Variants in ZNF431 observed in about 807,000 individuals in gnomAD.
The protein encoded by ZNF431 is zinc finger protein 431.
ZNF431 carries 34 observed loss-of-function variants against 57.0 expected under a neutral mutation model. That is an observed-to-expected ratio of 0.60 (90% confidence interval 0.45 to 0.79). The LOEUF (loss-of-function observed/expected upper bound fraction) is 0.79, where lower values mean the gene tolerates loss of function less well. ZNF431 is among the 30% of genes least tolerant of loss of function. ZNF431 has a pLI of 0.00. For missense variants in ZNF431, 607 were observed against 667.1 expected, an observed-to-expected ratio of 0.91 and a Z score of 0.99; for synonymous variants, 207 against 220.3, an observed-to-expected ratio of 0.94 and a Z score of 0.54.
rs1248748076 is a variant in ZNF431 at position 21,150,152 on chromosome 19, A to G, written c.96+6509A>G. ...TGTCTCTGGTCTGTACTTGTAGGCT[A>G]GCTTAAGCAGCTGAGTAGCTGTTTG... On this transcript the variant is annotated intron_variant, in intron 2 of 4. Transcript: ENST00000311048. The G allele has an allele frequency of 6.6e-6, 4 of 605,498 alleles. No individual in the cohort carries two copies. The East Asian group carries it at 1.5e-4, about 22-fold the overall frequency. The allele number at this position is 605,498 out of a possible 1,614,324, so 37.5% of individuals were successfully genotyped here.
At chr19:21,149,503 A>G (rs1970204418) in intron 2 of ZNF431, 1 of 165,786 alleles carries the variant, frequency 6.0e-6, no homozygotes, top group South Asian at 1.7e-4. Flanking sequence ...GAGTTCTTTC[A>G]TATCACACAC....
Position 21,194,988 on chromosome 19 carries a change from T to C in ZNF431, c.*10954T>C, listed in dbSNP as rs1971578910. On this transcript the variant is annotated 3_prime_UTR_variant, in exon 5 of 5. Transcript: ENST00000311048. ...AACGTGATGATTGGAAGCAAAAACGTGGGGCTTTTTCCTATTGAATACAAA... is the reference window on the plus strand; with the variant it reads ...AACGTGATGATTGGAAGCAAAAACGCGGGGCTTTTTCCTATTGAATACAAA... 6.6e-6 allele frequency: 1 copy of C among 152,076 alleles called. No homozygotes were observed. Among genetic ancestry groups the C allele is most frequent in the Non-Finnish European group, 1.5e-5 (1 of 68,010 alleles). The allele number at this position is 152,076 out of a possible 1,614,324, so 9.4% of individuals were successfully genotyped here.
chr19:21,159,561 C>T lies in ZNF431; in HGVS notation c.97-6774C>T, dbSNP rs1056091250. ...GTAATTTTTGTATTTCTCGTAAAGA[C>T]GGGTTTTCACCATGTTGGCCAGGAT... On this transcript the variant is annotated intron_variant, in intron 2 of 4. Transcript: ENST00000311048. Among the ~76,000 whole-genome samples the T allele has an allele frequency of 5.5e-4, 84 of 152,038 alleles. 1 individual carries two copies. The highest frequency in any genetic ancestry group is 1.9e-4 in the Non-Finnish European group (13 of 68,012).
intron 4 of ZNF431, among the ~76,000 whole-genome samples, chr19:21,173,018 A>C (rs554758994): frequency 6.6e-6 from 1 of 152,294 alleles, no homozygotes; most frequent in Non-Finnish European, 1.5e-5. Flanking sequence ...TATAGTATTC[A>C]TCATTTTGTT....
Position 21,181,768 on chromosome 19 carries a change from TA to T in ZNF431, c.320-851del, listed in dbSNP as rs1210049540. ...GAGTATTCAATTTATTTTAAATTTT[TA>T]AAATTAATGTATACATCTTTTTTAT... is the stretch of plus-strand genomic sequence containing the variant. On this transcript the variant is annotated intron_variant, in intron 4 of 4. Transcript: ENST00000311048. Among the ~76,000 whole-genome samples the T allele has an allele frequency of 3.9e-5, 6 of 152,300 alleles. No individual in the cohort carries two copies. In the East Asian group the frequency reaches 1.2e-3, roughly 29 times the overall value.
rs1017236693 is a variant in ZNF431 at position 21,183,382 on chromosome 19, C to T, written c.1079C>T (p.Thr360Ile). The change falls in exon 5 of 5, where the codon ACT becomes ATT. Residue 360 changes from threonine (T) to isoleucine (I), a missense_variant. Coordinates refer to ENST00000311048, the MANE Select transcript of ZNF431 (RefSeq NM_133473.4). ...DKAFNRFSYL[T>I]KHKIIHTGEK... Reference sequence around the variant, plus strand: ...GCTTTTAATCGATTCTCATACCTTACTAAACATAAGATAATTCATACTGGA... The same window carrying T: ...GCTTTTAATCGATTCTCATACCTTATTAAACATAAGATAATTCATACTGGA... 6 of 1,613,448 alleles carry T rather than the reference C, an allele frequency of 3.7e-6. No homozygotes were observed. In the African/African-American group the frequency reaches 8.0e-5, roughly 22 times the overall value.
intron 2 of ZNF431, among the ~76,000 whole-genome samples, chr19:21,159,161 A>G (rs1480117436): frequency 6.6e-6 from 1 of 152,138 alleles, no homozygotes; most frequent in African/African-American, 2.4e-5. Context: ...TACCAGAGAT[A>G]CAGCCTACTT....
intron 3 of ZNF431, among the ~76,000 whole-genome samples, chr19:21,167,106 C>T (rs911870391): frequency 1.3e-4 from 19 of 151,824 alleles, no homozygotes; most frequent in African/African-American, 4.1e-4. Flanking sequence ...GATCTGCCCA[C>T]CTCACCCTTC....
intron 2 of ZNF431, among the ~76,000 whole-genome samples, chr19:21,151,539 A>G (rs888328059): frequency 4.6e-5 from 7 of 152,168 alleles, no homozygotes; most frequent in Non-Finnish European, 8.8e-5. Flanking sequence ...CCAAATATCA[A>G]ATAAGAAAGT....
chr19:21,143,761 T>C, intron 2 of ZNF431, 118 bp downstream of exon 2: 1 of 689,302 alleles, frequency 1.5e-6, no homozygotes, highest in Non-Finnish European at 2.5e-6. Context: ...AAATAATGTA[T>C]GCCCCCTGGA....
intron 4 of ZNF431, chr19:21,169,665 T>C: frequency 2.5e-6 from 1 of 395,938 alleles, no homozygotes; most frequent in Non-Finnish European, 4.4e-6. Flanking sequence ...TTTAAGACTT[T>C]GATCTGTAGG....
chr19:21,171,989 G>A (rs1970907893), intron 4 of ZNF431, among the ~76,000 whole-genome samples: 2 of 150,750 alleles, frequency 1.3e-5, no homozygotes, highest in Non-Finnish European at 3.0e-5. Context: ...CAAAGTTCTG[G>A]GATTACAGGC....
At chr19:21,165,093 A>C (rs1325192364) in intron 2 of ZNF431, among the ~76,000 whole-genome samples, 29 of 1,708 alleles carry the variant, frequency 0.017, no homozygotes, top group Non-Finnish European at 0.019. Flanking sequence ...TGGGCAACTC[A>C]AAAAAAAAAA....
chr19:21,181,221 C>T (rs1971202519), intron 4 of ZNF431, among the ~76,000 whole-genome samples: 1 of 151,960 alleles, frequency 6.6e-6, no homozygotes, highest in Non-Finnish European at 1.5e-5. Flanking sequence ...TTTGTTGAAT[C>T]ATGTTATTTT....
chr19:21,145,456 G>A (rs543820367), intron 2 of ZNF431, among the ~76,000 whole-genome samples: 33 of 152,228 alleles, frequency 2.2e-4, no homozygotes, highest in African/African-American at 5.8e-4. Flanking sequence ...CAGCCTGGGC[G>A]ACAGAGCGAG....
intron 2 of ZNF431, among the ~76,000 whole-genome samples, chr19:21,161,909 C>T (rs957306271): frequency 6.6e-6 from 1 of 152,160 alleles, no homozygotes; most frequent in African/African-American, 2.4e-5. Flanking sequence ...CCACCTAGGC[C>T]TCCCAAAGTG....
intron 2 of ZNF431, among the ~76,000 whole-genome samples, chr19:21,154,782 A>C (rs1221896211): frequency 6.6e-6 from 1 of 152,080 alleles, no homozygotes; most frequent in Non-Finnish European, 1.5e-5. Context: ...GATGATGAGC[A>C]TTTTTTCATG....
rs1164491282 is a variant in ZNF431, at chr19:21,183,816, A to G, written c.1513A>G (p.Ile505Val). The G allele has an allele frequency of 2.1e-5, 34 of 1,613,902 alleles. No homozygotes were observed. Among genetic ancestry groups the G allele is most frequent in the Non-Finnish European group, 2.8e-5 (33 of 1,179,946 alleles). Reference protein sequence around the residue: ...RSSNLTKHKIIHTGEKSYKCE... With the variant: ...RSSNLTKHKIVHTGEKSYKCE... ...CTCAAATCTTACTAAACATAAGATAATTCATACAGGAGAGAAATCTTACAA... is the reference window on the plus strand; with the variant it reads ...CTCAAATCTTACTAAACATAAGATAGTTCATACAGGAGAGAAATCTTACAA... Residue 505 changes from isoleucine (I) to valine (V), a missense_variant, in exon 5 of 5, where the codon ATT (isoleucine) becomes GTT (valine). Transcript: ENST00000311048.
At chr19:21,152,092 CTCT>C (rs1970290596) in intron 2 of ZNF431, among the ~76,000 whole-genome samples, 2 of 152,218 alleles carry the variant, frequency 1.3e-5, no homozygotes, top group African/African-American at 4.8e-5. Flanking sequence ...ACCTTAGCCA[CTCT>C]TCTTAACAAC....
Sources: gnomAD v4.1 joint callset for allele counts (sites outside exome capture counted in the v4.1 genomes callset) on GRCh38, gnomAD v4.1.1 for gene constraint, MANE v1.5 for transcripts, NCBI Gene and HGNC (gene_info 2026-07-23, HGNC 2026-07-21) for gene names.